The following MACROD2 variants were observed in gnomAD, a reference collection of about 807,000 sequenced individuals.
MACROD2 encodes the protein ADP-ribose glycohydrolase MACROD2.
Under a neutral mutation model 70.4 loss-of-function variants are expected in MACROD2, and 36 were observed. That is an observed-to-expected ratio of 0.51 (90% CI 0.39 to 0.68). The LOEUF (loss-of-function observed/expected upper bound fraction) is 0.68, where lower values mean the gene tolerates loss of function less well. MACROD2 is among the 30% of genes least tolerant of loss of function. The pLI is 0.00. For missense variants in MACROD2, 496 were observed against 538.4 expected (o/e 0.92, Z 0.78); for synonymous variants, 172 against 178.8 (o/e 0.96, Z 0.30).
At chr20:14,050,262 C>G (rs2053546311) in intron 2 of MACROD2, among the ~76,000 whole-genome samples, 1 of 151,954 alleles carries the variant, frequency 6.6e-6, no homozygotes, top group Non-Finnish European at 1.5e-5. Context: ...TTGGAAAGAG[C>G]CTGAGAACTC....
intron 8 of MACROD2, among the ~76,000 whole-genome samples, chr20:15,510,028 T>C (rs2047477792): frequency 1.3e-5 from 2 of 152,246 alleles, no homozygotes; most frequent in Non-Finnish European, 2.9e-5. Context: ...AACCCCCATA[T>C]GGGTGTATCT....
intron 2 of MACROD2, among the ~76,000 whole-genome samples, chr20:14,038,691 T>C (rs986344992): frequency 1.3e-5 from 2 of 152,232 alleles, no homozygotes; most frequent in Non-Finnish European, 2.9e-5. Context: ...TGCCATGATG[T>C]TTTTAATTTA....
At chr20:14,302,664 TG>T (rs1406877665) in intron 3 of MACROD2, among the ~76,000 whole-genome samples, 11 of 151,762 alleles carry the variant, frequency 7.2e-5, no homozygotes, top group African/African-American at 2.2e-4. Context: ...TTTTTGTTGT[TG>T]TTTTTTTTTT....
chr20:14,335,174 T>C lies in MACROD2; in HGVS notation c.272-158305T>C, dbSNP rs560114287. Among the ~76,000 whole-genome samples the C allele has an allele frequency of 5.3e-5, 8 of 152,308 alleles. No individual in the cohort carries two copies. In the South Asian group the frequency reaches 1.5e-3, roughly 28 times the overall value. On this transcript the variant is annotated intron_variant, in intron 3 of 17. Transcript: ENST00000684519. ...TGGCCAAGAAAAGCACAGAAAAATC[T>C]CTCTGCAGTGCACTTGCATGTTTAA...
At chr20:14,700,517 A>G (rs1003941441) in intron 5 of MACROD2, among the ~76,000 whole-genome samples, 1 of 133,234 alleles carries the variant, frequency 7.5e-6, no homozygotes, top group East Asian at 2.6e-4. Context: ...GTTAAGACAT[A>G]TGGTGGTGTG....
At chr20:15,736,626 TA>T (rs2051024927) in intron 8 of MACROD2, among the ~76,000 whole-genome samples, 1 of 152,182 alleles carries the variant, frequency 6.6e-6, no homozygotes, top group South Asian at 2.1e-4. Flanking sequence ...GAGTGGACAT[TA>T]AAAATATGTT....
intron 4 of MACROD2, among the ~76,000 whole-genome samples, chr20:14,633,832 C>T (rs1984641847): frequency 6.6e-6 from 1 of 152,198 alleles, no homozygotes; most frequent in Non-Finnish European, 1.5e-5. Flanking sequence ...ATCATCATAG[C>T]CTCCTAACTG....
intron 4 of MACROD2, among the ~76,000 whole-genome samples, chr20:14,565,767 C>A (rs1356794238): frequency 6.6e-6 from 1 of 151,502 alleles, no homozygotes; most frequent in East Asian, 1.9e-4. Flanking sequence ...TACTCTAAGT[C>A]CCCCTGCCTT....
At chr20:14,565,408 T>C (rs1214528395) in intron 4 of MACROD2, among the ~76,000 whole-genome samples, 1 of 151,900 alleles carries the variant, frequency 6.6e-6, no homozygotes, top group Non-Finnish European at 1.5e-5. Context: ...TTCCTCTTGT[T>C]TTCCTTTTGT....
intron 5 of MACROD2, among the ~76,000 whole-genome samples, chr20:14,857,559 C>T (rs939284303): frequency 6.6e-6 from 1 of 152,164 alleles, no homozygotes; most frequent in Non-Finnish European, 1.5e-5. Flanking sequence ...TGCCTTAGCA[C>T]ACATGTCCAG....
chr20:15,313,656 C>T (rs1249358881), intron 6 of MACROD2, among the ~76,000 whole-genome samples: 3 of 152,090 alleles, frequency 2.0e-5, no homozygotes, highest in Non-Finnish European at 4.4e-5. Context: ...TCTTAATGAA[C>T]AAGTCAAGGA....
intron 3 of MACROD2, among the ~76,000 whole-genome samples, chr20:14,211,376 G>A (rs1033356661): frequency 6.6e-6 from 1 of 152,036 alleles, no homozygotes; most frequent in South Asian, 2.1e-4. Flanking sequence ...AAAACTTGAT[G>A]TGGAATAATG....
intron 5 of MACROD2, among the ~76,000 whole-genome samples, chr20:15,164,316 T>C (rs2076368384): frequency 6.6e-6 from 1 of 152,176 alleles, no homozygotes; most frequent in Non-Finnish European, 1.5e-5. Flanking sequence ...AAGATGTGTG[T>C]ACATTATTTT....
At chr20:14,430,775 A>G (rs2083986591) in intron 3 of MACROD2, among the ~76,000 whole-genome samples, 1 of 152,096 alleles carries the variant, frequency 6.6e-6, no homozygotes, top group Admixed American at 6.6e-5. Flanking sequence ...GGGTAATGTG[A>G]TATACAACAG....
chr20:14,831,756 G>A (rs575482289), intron 5 of MACROD2, among the ~76,000 whole-genome samples: 143 of 121,812 alleles, frequency 1.2e-3, no homozygotes, highest in South Asian at 3.4e-3. Flanking sequence ...CTCCAGCCTG[G>A]GTGACAAGAG....
At chr20:15,554,167 G>C (rs1199597190) in intron 8 of MACROD2, among the ~76,000 whole-genome samples, 2 of 152,218 alleles carry the variant, frequency 1.3e-5, no homozygotes, top group African/African-American at 4.8e-5. Context: ...TATTTGGTAT[G>C]AGAAGTGGCA....
chr20:14,857,802 C>T (rs2122341415), intron 5 of MACROD2, among the ~76,000 whole-genome samples: 1 of 108,914 alleles, frequency 9.2e-6, no homozygotes, highest in South Asian at 2.9e-4. Context: ...GGGAACTGTG[C>T]TTTTTTTGTT....
At chr20:15,403,196 G>T (rs2146311538) in intron 6 of MACROD2, among the ~76,000 whole-genome samples, 1 of 152,236 alleles carries the variant, frequency 6.6e-6, no homozygotes, top group Non-Finnish European at 1.5e-5. Flanking sequence ...TCAAACTCCT[G>T]ACCTCAGGTG....
At chr20:14,616,680 A>G (rs1983500391) in intron 4 of MACROD2, among the ~76,000 whole-genome samples, 1 of 152,072 alleles carries the variant, frequency 6.6e-6, no homozygotes, top group South Asian at 2.1e-4. Flanking sequence ...GCTGTGGGAC[A>G]TTGTATGACT....
Sources: allele counts gnomAD v4.1 joint callset (sites outside exome capture counted in the v4.1 genomes callset), GRCh38; gene constraint gnomAD v4.1.1; transcripts MANE v1.5; gene names NCBI Gene and HGNC (gene_info 2026-07-23, HGNC 2026-07-21).